Variants in OTC observed in about 807,000 individuals in gnomAD.
The protein encoded by OTC is ornithine transcarbamylase, mitochondrial.
OTC carries 3 observed loss-of-function variants against 30.3 expected under a neutral mutation model. The observed-to-expected ratio is 0.10, with a 90% confidence interval of 0.05 to 0.26. The LOEUF (loss-of-function observed/expected upper bound fraction) is 0.26. Among genes scored for constraint, OTC ranks in the 10% least tolerant of loss-of-function variants. The pLI is 1.00. For synonymous variants in OTC, 111 were observed against 99.7 expected (o/e 1.11, Z -0.67); for missense variants, 194 against 260.3 (o/e 0.75, Z 1.75).
chrX:38,340,706 C>T, the OTC span, among the ~76,000 whole-genome samples: 9 of 109,820 alleles, frequency 8.2e-5, no homozygotes, highest in East Asian at 2.6e-3. Context: ...AAAAGTAAGG[C>T]CTCCTTTGTG....
intron 1 of OTC, among the ~76,000 whole-genome samples, chrX:38,355,716 T>A (rs2068236924): frequency 8.9e-6 from 1 of 112,205 alleles, no homozygotes; most frequent in South Asian, 3.7e-4. Flanking sequence ...ATTCACAATG[T>A]CGAAACTTAA....
At chrX:38,367,680 G>A (rs1374271023) in intron 2 of OTC, among the ~76,000 whole-genome samples, 3 of 110,409 alleles carry the variant, frequency 2.7e-5, no homozygotes, top group East Asian at 5.6e-4. Context: ...TAACTGGATC[G>A]AACCTAAGAA....
chrX:38,389,557 T>C (rs1014494788), intron 4 of OTC, among the ~76,000 whole-genome samples: 2 of 111,971 alleles, frequency 1.8e-5, no homozygotes, highest in African/African-American at 6.5e-5. Flanking sequence ...AATTGGTACC[T>C]AATGGGAAAT....
intron 4 of OTC, among the ~76,000 whole-genome samples, chrX:38,399,427 AT>A (rs774438377): frequency 8.1e-5 from 9 of 111,204 alleles, no homozygotes; most frequent in African/African-American, 2.6e-4. Context: ...TTGATAGAGA[AT>A]ATGGCCTGGG....
intron 6 of OTC, among the ~76,000 whole-genome samples, chrX:38,408,455 C>G (rs141787318): frequency 8.9e-6 from 1 of 111,787 alleles, no homozygotes; most frequent in African/African-American, 3.3e-5. Context: ...TTATGGAAAC[C>G]GGAAGAGGTG....
At chrX:38,403,150 T>A (rs1346620534) in intron 5 of OTC, among the ~76,000 whole-genome samples, 1 of 111,850 alleles carries the variant, frequency 8.9e-6, no homozygotes, top group African/African-American at 3.3e-5. Flanking sequence ...CAACTTCGTA[T>A]AATGGGAACA....
At chrX:38,353,421 G>C (rs1158221837) in intron 1 of OTC, among the ~76,000 whole-genome samples, 1 of 110,895 alleles carries the variant, frequency 9.0e-6, no homozygotes, top group Non-Finnish European at 1.9e-5. Context: ...AGGGAACAGG[G>C]GAGATGAGTT....
In OTC at chrX:38,402,135, A is replaced by G. The variant is rs1285974136; in HGVS notation, c.540+707A>G. On this transcript the variant is annotated intron_variant, in intron 5 of 9. Coordinates refer to ENST00000039007, the MANE Select transcript of OTC (RefSeq NM_000531.6). ...CTTCTTCCACATTTGAATAAACTAC[A>G]CACATTTAAATGTGAGGTTAAGCTC... is the stretch of plus-strand genomic sequence containing the variant. Among the ~76,000 whole-genome samples, 3 of 112,149 alleles carry G rather than the reference A, an allele frequency of 2.7e-5. No individual in the cohort carries two copies. The Admixed American group carries it at 2.8e-4, about 11-fold the overall frequency.
chrX:38,390,880 G>T (rs967511531), intron 4 of OTC, among the ~76,000 whole-genome samples: 43 of 111,975 alleles, frequency 3.8e-4, no homozygotes, highest in African/African-American at 1.4e-3. Flanking sequence ...TTTTCCTGGG[G>T]TCATGAGAGG....
chrX:38,376,547 C>T (rs1392666838), intron 3 of OTC, among the ~76,000 whole-genome samples: 1 of 111,472 alleles, frequency 9.0e-6, no homozygotes, highest in Non-Finnish European at 1.9e-5. Context: ...TCCTCTTATT[C>T]CTGTAATTTT....
intron 4 of OTC, among the ~76,000 whole-genome samples, chrX:38,386,383 A>AC (rs1276098480): frequency 1.3e-5 from 1 of 77,314 alleles, no homozygotes; most frequent in Non-Finnish European, 2.7e-5. Context: ...AAAAAAAAAA[A>AC]AAAATATATA....
the OTC span, among the ~76,000 whole-genome samples, chrX:38,340,476 T>TTG: frequency 1.9e-5 from 2 of 103,874 alleles, no homozygotes; most frequent in Non-Finnish European, 3.9e-5. Context: ...TTTTTTTGTT[T>TTG]TTTTTTTTTT....
intron 8 of OTC, among the ~76,000 whole-genome samples, chrX:38,411,386 G>A (rs1021765656): frequency 2.1e-4 from 23 of 108,166 alleles, no homozygotes; most frequent in Non-Finnish European, 3.6e-4. Flanking sequence ...AAAAAGACTT[G>A]CCAGACACGG....
the OTC span, among the ~76,000 whole-genome samples, chrX:38,335,974 C>T: frequency 2.0e-4 from 22 of 111,036 alleles, no homozygotes; most frequent in Admixed American, 4.8e-4. Flanking sequence ...GTTTCTTTGG[C>T]ACAAAGTTAA....
intron 4 of OTC, among the ~76,000 whole-genome samples, chrX:38,400,479 A>G (rs2068480075): frequency 9.0e-6 from 1 of 111,315 alleles, no homozygotes; most frequent in Non-Finnish European, 1.9e-5. Context: ...ACCAAGAAAC[A>G]TAAAGAGAGA....
chrX:38,352,565 C>T (rs778287695), upstream of OTC: 1 of 524,811 alleles, frequency 1.9e-6, no homozygotes, highest in African/African-American at 2.3e-5. Flanking sequence ...GATAAGGAAG[C>T]TGAAGGGTGA....
At chrX:38,344,706 C>T in the OTC span, among the ~76,000 whole-genome samples, 1 of 111,108 alleles carries the variant, frequency 9.0e-6, no homozygotes, top group African/African-American at 3.3e-5. Flanking sequence ...AGAAAGGAAA[C>T]AAATGGTAAA....
At chrX:38,401,243 T>A (rs370882565) in intron 4 of OTC, 32 bp from the exon 5 acceptor site, 700 of 1,109,207 alleles carry the variant, frequency 6.3e-4, no homozygotes, top group South Asian at 1.8e-3. Context: ...AGCATAATTA[T>A]CTTAGATTAT....
intron 3 of OTC, 86 bp downstream of exon 3, chrX:38,369,963 G>A (rs180948066): frequency 1.7e-6 from 1 of 595,186 alleles, no homozygotes; most frequent in African/African-American, 2.2e-5. Context: ...GCGGGGATTT[G>A]TCTGCCTCTA....
Sources: gnomAD v4.1 joint callset for allele counts (sites outside exome capture counted in the v4.1 genomes callset) on GRCh38, gnomAD v4.1.1 for gene constraint, MANE v1.5 for transcripts, NCBI Gene and HGNC (gene_info 2026-07-23, HGNC 2026-07-21) for gene names.